NEIL1: variants seen among roughly 807,000 people sequenced by gnomAD.
NEIL1 encodes the protein nei like DNA glycosylase 1.
In NEIL1, 31 loss-of-function variants were observed where a neutral mutation model predicts 44.2. That is an observed-to-expected ratio of 0.70 (90% CI 0.53 to 0.95). NEIL1 has a LOEUF of 0.95. Ranked by LOEUF, NEIL1 falls within the 40% of genes least tolerant of loss-of-function variation. The pLI is 0.00. For synonymous variants in NEIL1, 254 were observed against 209.7 expected, an observed-to-expected ratio of 1.21 and a Z score of -1.83; for missense variants, 549 against 515.5, an observed-to-expected ratio of 1.07 and a Z score of -0.63.
At position 75,356,321 on chromosome 15, in the gene NEIL1, C is replaced by T. The variant is rs201870425; in HGVS notation, c.*1287C>T. ...CTTGCCTGCTTGACGGTCTCCAATA[C>T]GACCGCGGGTGAAGACACGGAAAAC... On this transcript the variant is annotated 3_prime_UTR_variant, in exon 10 of 10. Transcript: ENST00000355059. This position sits in a 1 kb window ranked among gnomAD's most constrained non-coding sequence, Gnocchi z 5.8. 25 of 1,612,208 alleles carry T rather than the reference C, an allele frequency of 1.6e-5. No homozygotes were observed. The highest frequency in any genetic ancestry group is 8.4e-5 in the Admixed American group (5 of 59,704).
Position 75,354,284 on chromosome 15 carries a change from T to C in NEIL1, c.874+7T>C, listed in dbSNP as rs2072172123. On this transcript the variant is annotated splice_region_variant and intron_variant, in intron 7 of 9. Transcript: ENST00000355059. The stretch of plus-strand genomic sequence containing the variant: ...GGACCGTTGGCACCCAAAGGTAAGC[T>C]ACTCCTAATGTAATAGGCTAAGAGA... 1 of 1,613,978 alleles carries C rather than the reference T, an allele frequency of 6.2e-7. No individual in the cohort carries two copies. Among genetic ancestry groups the C allele is most frequent in the Non-Finnish European group, 8.5e-7 (1 of 1,179,986 alleles).
chr15:75,356,384 G>A lies in NEIL1; in HGVS notation c.*1350G>A, dbSNP rs865893711. On this transcript the variant is annotated 3_prime_UTR_variant, in exon 10 of 10. Coordinates refer to ENST00000355059, the MANE Select transcript of NEIL1 (RefSeq NM_024608.4). The surrounding 1 kb of genome is among the most constrained non-coding windows in gnomAD (Gnocchi z 5.8). ...GTGGCGGGCGCTGGGCTGGGGGCTG[G>A]CAGAGCCAACAGGGGGAAGTTTAGG... The A allele has an allele frequency of 6.2e-7, 1 of 1,611,334 alleles. No homozygotes were observed. Among genetic ancestry groups the A allele is most frequent in the South Asian group, 1.1e-5 (1 of 90,548 alleles).
chr15:75,350,249 C>G (rs2071777142), intron 2 of NEIL1, among the ~76,000 whole-genome samples: 2 of 152,234 alleles, frequency 1.3e-5, no homozygotes, highest in African/African-American at 4.8e-5. Flanking sequence ...TGAGTCTCTG[C>G]TTCATGCCAG....
At chr15:75,348,652 C>T in intron 1 of NEIL1, 3 of 1,398,550 alleles carry the variant, frequency 2.1e-6, no homozygotes, top group Non-Finnish European at 2.8e-6. Context: ...AAGCGGTTAG[C>T]AGCAAGGCAG....
At chr15:75,350,869 C>A (rs893549551) in intron 2 of NEIL1, among the ~76,000 whole-genome samples, 34 of 152,214 alleles carry the variant, frequency 2.2e-4, no homozygotes, top group African/African-American at 7.5e-4. Flanking sequence ...GGGATCAGGG[C>A]ACCTCCCAGG....
chr15:75,349,102 C>T lies in NEIL1; in HGVS notation c.197C>T (p.Ala66Val), dbSNP rs777030090. Reference sequence around the variant, plus strand: ...CTGATACTGAGCCCTCTGCCTGGGGCCCAGCCCCAACAGGAGCCACTGGCC... The same window carrying T: ...CTGATACTGAGCCCTCTGCCTGGGGTCCAGCCCCAACAGGAGCCACTGGCC... ...LRLILSPLPG[A>V]QPQQEPLALV... The change falls in exon 2 of 10, where the codon GCC becomes GTC. Residue 66 changes from alanine to valine, a missense_variant. Physicochemically the swap from Ala to Val is moderately conservative, Grantham distance 64. Transcript: ENST00000355059. 6.2e-7 allele frequency: 1 copy of T among 1,612,192 alleles called. No individual in the cohort carries two copies. The highest frequency in any genetic ancestry group is 8.5e-7 in the Non-Finnish European group (1 of 1,179,922).
At chr15:75,348,655 C>G in intron 1 of NEIL1, 1 of 1,400,576 alleles carries the variant, frequency 7.1e-7, no homozygotes, top group South Asian at 1.7e-5. Flanking sequence ...CGGTTAGCAG[C>G]AAGGCAGAGT....
In NEIL1 at chr15:75,349,143, G is replaced by C. The variant is rs1185217297; in HGVS notation, c.238G>C (p.Gly80Arg). Residue 80 changes from glycine to arginine, a missense_variant, in exon 2 of 10, where the codon GGC becomes CGC. Coordinates refer to ENST00000355059, the MANE Select transcript of NEIL1 (RefSeq NM_024608.4). ...QEPLALVFRF[G>R]MSGSFQLVPR... ...GCCACTGGCCCTGGTCTTCCGCTTC[G>C]GCATGTCCGGCTCTTTTCAGCTGGT... is the stretch of plus-strand genomic sequence containing the variant. 6 of 1,610,044 alleles carry C rather than the reference G, an allele frequency of 3.7e-6. No homozygotes were observed. The East Asian group carries it at 1.3e-4, about 36-fold the overall frequency.
At chr15:75,354,205 G>T in intron 6 of NEIL1, 45 bp from the exon 7 acceptor site, 1 of 1,612,388 alleles carries the variant, frequency 6.2e-7, no homozygotes, top group South Asian at 1.1e-5. Context: ...TACCGCCCCT[G>T]TGCCAACCCA....
intron 1 of NEIL1, chr15:75,347,993 GA>G: frequency 8.2e-7 from 1 of 1,219,548 alleles, no homozygotes; most frequent in Non-Finnish European, 1.1e-6. Context: ...ACCGCCCGGG[GA>G]CAGAGGCAAG....
intron 2 of NEIL1, among the ~76,000 whole-genome samples, chr15:75,350,011 C>T (rs562470408): frequency 2.0e-4 from 31 of 152,292 alleles, no homozygotes; most frequent in African/African-American, 7.2e-4. Flanking sequence ...TGAGGCTGAG[C>T]GGAATTGTTT....
rs770759805 is a variant in NEIL1 at position 75,356,591 on chromosome 15, G to A, written c.*1557G>A. 20 of 1,554,526 alleles carry A rather than the reference G, an allele frequency of 1.3e-5. No homozygotes were observed. The highest frequency in any genetic ancestry group is 5.9e-5 in the South Asian group (5 of 84,716). ...TCTAGGGCTGCAGGAAGGCCCCACC[G>A]TCCCCAGCACTCACCCTTGTGCGGC... On this transcript the variant is annotated 3_prime_UTR_variant, in exon 10 of 10. Coordinates refer to ENST00000355059, the MANE Select transcript of NEIL1 (RefSeq NM_024608.4). This position sits in a 1 kb window ranked among gnomAD's most constrained non-coding sequence, Gnocchi z 5.8.
rs2141308789 is a variant in NEIL1 at position 75,349,058 on chromosome 15, C to T, written c.153C>T (p.Ala51=). The part of the protein sequence containing the change: ...ESSAYRISAS[A]RGKELRLILS... The stretch of plus-strand genomic sequence containing the variant: ...GTGCCTACCGCATCTCAGCTTCAGC[C>T]CGCGGCAAGGAGCTGCGCCTGATAC... Residue 51 remains alanine (A), a synonymous_variant, in exon 2 of 10, where the codon GCC becomes GCT. Transcript: ENST00000355059. 7 of 1,613,578 alleles carry T rather than the reference C, an allele frequency of 4.3e-6. No homozygotes were observed. Among genetic ancestry groups the T allele is most frequent in the Non-Finnish European group, 5.9e-6 (7 of 1,180,002 alleles).
Position 75,347,215 on chromosome 15 carries a change from G to C in NEIL1, c.-281G>C, listed in dbSNP as rs752512335. 1 of 152,454 alleles carries C rather than the reference G, an allele frequency of 6.6e-6. No homozygotes were observed. The highest frequency in any genetic ancestry group is 2.1e-4 in the South Asian group (1 of 4,840). 9.4% of individuals were successfully genotyped at this position (152,454 alleles called of 1,614,324 possible). A position where few individuals can be genotyped will look rare whatever the true frequency, so the allele number is the denominator to read the frequency against. On this transcript the variant is annotated 5_prime_UTR_variant, in exon 1 of 10. Coordinates refer to ENST00000355059, the MANE Select transcript of NEIL1 (RefSeq NM_024608.4). ...GTTTATGAGTTAGGTCTGACTGTTC[G>C]TTGGTGCTTAAGATCCCCACCGGGT...
In NEIL1 at chr15:75,348,911, T is replaced by C. The variant is rs756096270; in HGVS notation, c.6T>C (p.Pro2=). 4 of 1,611,144 alleles carry C rather than the reference T, an allele frequency of 2.5e-6. No individual in the cohort carries two copies. The highest frequency in any genetic ancestry group is 2.2e-5 in the South Asian group (2 of 91,038). Residue 2 remains proline, a synonymous_variant, in exon 2 of 10, where the codon CCT becomes CCC. Transcript: ENST00000355059. M[P]EGPELHLASQ... is the part of the protein sequence containing the mutation. ...CTCTGCCACCCTCCCTCAGGATGCC[T>C]GAGGGCCCCGAGCTGCACCTGGCCA...
chr15:75,348,572 A>T, intron 1 of NEIL1: 1 of 1,226,068 alleles, frequency 8.2e-7, no homozygotes, highest in South Asian at 2.1e-5. Context: ...GCCGGGAAGA[A>T]GTAAGGCTGC....
rs2072252671 is a variant in NEIL1, at chr15:75,355,125, G to A, written c.*91G>A. The A allele has an allele frequency of 9.5e-7, 1 of 1,054,946 alleles. No homozygotes were observed. Among genetic ancestry groups the A allele is most frequent in the Admixed American group, 2.1e-5 (1 of 46,816 alleles). The allele number at this position is 1,054,946 out of a possible 1,614,324, so 65.3% of individuals were successfully genotyped here. A position where few individuals can be genotyped will look rare whatever the true frequency, so the allele number is the denominator to read the frequency against. Reference sequence around the variant, plus strand: ...TTTTTGGGAGCAGGCAATATCTGAAGGTGCAAACAGGCCCTACGGCTGTTC... The same window carrying A: ...TTTTTGGGAGCAGGCAATATCTGAAAGTGCAAACAGGCCCTACGGCTGTTC... On this transcript the variant is annotated 3_prime_UTR_variant, in exon 10 of 10. Coordinates refer to ENST00000355059, the MANE Select transcript of NEIL1 (RefSeq NM_024608.4).
chr15:75,352,313 C>T lies in NEIL1; in HGVS notation c.555-11C>T. 6.2e-7 allele frequency: 1 copy of T among 1,614,132 alleles called. No individual in the cohort carries two copies. Among genetic ancestry groups the T allele is most frequent in the East Asian group, 2.2e-5 (1 of 44,888 alleles). On this transcript the variant is annotated splice_polypyrimidine_tract_variant and intron_variant, in intron 3 of 9. Transcript: ENST00000355059. ...CACTGCCTAGCATGGCTTGCCTTGCCCCCACTACAGGCTGAAGATCCCCCC... is the reference window on the plus strand; with the variant it reads ...CACTGCCTAGCATGGCTTGCCTTGCTCCCACTACAGGCTGAAGATCCCCCC...
rs538479174 is a variant in NEIL1, at chr15:75,354,887, G to A, written c.1102+69G>A. ...GGATGGGATGGTGGCCTAGGAGCGC[G>A]TGTACAAAGGTGGGAGAAAGGCTGC... On this transcript the variant is annotated intron_variant, in intron 9 of 9. Coordinates refer to ENST00000355059, the MANE Select transcript of NEIL1 (RefSeq NM_024608.4). 3.1e-5 allele frequency: 50 copies of A among 1,611,372 alleles called. No homozygotes were observed. In the African/African-American group the frequency reaches 4.4e-4, roughly 14 times the overall value.
Sources: gnomAD v4.1 joint callset for allele counts (sites outside exome capture counted in the v4.1 genomes callset) on GRCh38, gnomAD v4.1.1 for gene constraint, Gnocchi (gnomAD v3.1) non-coding constraint, MANE v1.5 for transcripts, NCBI Gene and HGNC (gene_info 2026-07-23, HGNC 2026-07-21) for gene names.